TRANK1: variants seen among roughly 807,000 people sequenced by gnomAD.
TRANK1 encodes tetratricopeptide repeat and ankyrin repeat containing 1.
TRANK1 carries 198 observed loss-of-function variants against 266.0 expected under a neutral mutation model. The ratio of observed to expected loss-of-function variants is 0.74; its 90% confidence interval spans 0.66 to 0.84. The LOEUF (loss-of-function observed/expected upper bound fraction) is 0.84. Among genes scored for constraint, TRANK1 ranks in the 40% least tolerant of loss-of-function variants. The probability of loss-of-function intolerance (pLI) is 0.00; values close to 1 mark genes in which losing one functional copy is unlikely to be tolerated. For missense variants in TRANK1, 3,326 were observed against 3,634.6 expected (o/e 0.92, Z 2.18); for synonymous variants, 1,396 against 1,384.1 (o/e 1.01, Z -0.19).
At chr3:36,906,195 T>C (rs1159235940) in intron 2 of TRANK1, among the ~76,000 whole-genome samples, 1 of 152,188 alleles carries the variant, frequency 6.6e-6, no homozygotes, top group Non-Finnish European at 1.5e-5. Context: ...AGACACAAGC[T>C]AATTACACTC....
chr3:36,883,885 A>G (rs2079566115), intron 8 of TRANK1, among the ~76,000 whole-genome samples: 1 of 152,224 alleles, frequency 6.6e-6, no homozygotes. Context: ...ATTACTAACA[A>G]AACCATGGTA....
rs374449164 is a variant in TRANK1, at chr3:36,841,341, C to T, written c.5280+1281G>A. Among the ~76,000 whole-genome samples, 4 of 152,348 alleles carry T rather than the reference C, an allele frequency of 2.6e-5. No individual in the cohort carries two copies. In the East Asian group the frequency reaches 5.8e-4, roughly 22 times the overall value. ...GAGGTGTAGAAAGAAAGATGGTGAT[C>T]TTTCCAAAACCCAGATCCAGTTGTT... On this transcript the variant is annotated intron_variant, in intron 18 of 23. Coordinates refer to ENST00000645898, the MANE Select transcript of TRANK1 (RefSeq NM_001329998.2).
At position 36,831,173 on chromosome 3, in the gene TRANK1, C is replaced by T. The variant is rs375259984; in HGVS notation, c.8410G>A (p.Glu2804Lys). 3.1e-6 allele frequency: 5 copies of T among 1,613,862 alleles called. No homozygotes were observed. The highest frequency in any genetic ancestry group is 2.7e-5 in the African/African-American group (2 of 74,894). The change falls in exon 22 of 24, where the codon GAG becomes AAG. Residue 2804 changes from glutamate (E) to lysine (K), a missense_variant. Transcript: ENST00000645898. The surrounding 1 kb of genome is among the most constrained non-coding windows in gnomAD (Gnocchi z 5.0). ...TCCTGACACTCCTCCCTTTCCAGCT[C>T]AGCCCTGGAAAGGACTGCCACCTCG... ...ASEVAVLSRAELEREECQERN... is the reference protein window; with the variant it reads ...ASEVAVLSRAKLEREECQERN...
chr3:36,852,187 T>C lies in TRANK1; in HGVS notation c.4708A>G (p.Asn1570Asp), dbSNP rs1415120435. 5.0e-6 allele frequency: 8 copies of C among 1,605,790 alleles called. No homozygotes were observed. Among genetic ancestry groups the C allele is most frequent in the Non-Finnish European group, 5.9e-6 (7 of 1,178,088 alleles). Residue 1570 changes from asparagine to aspartate, a missense_variant, in exon 14 of 24, where the codon AAT (asparagine) becomes GAT (aspartate). Asn to Asp is a conservative substitution (Grantham distance 23). Coordinates refer to ENST00000645898, the MANE Select transcript of TRANK1 (RefSeq NM_001329998.2). ...TCAATGGGCTGAGTTTTCCTTTTAT[T>C]CCCTCGTAGCAAAATTGCCAAGTCG... is the stretch of plus-strand genomic sequence containing the variant. ...VSDLAILLRG[N>D]KRKTQPIEFG...
chr3:36,850,192 G>A (rs180724893), intron 15 of TRANK1: 80 of 985,366 alleles, frequency 8.1e-5, no homozygotes, highest in Non-Finnish European at 9.3e-5. Flanking sequence ...AACCATGACC[G>A]ATGGATGTAT....
chr3:36,854,805 C>CA (rs975035696), intron 13 of TRANK1, among the ~76,000 whole-genome samples: 2 of 151,362 alleles, frequency 1.3e-5, no homozygotes, highest in African/African-American at 4.9e-5. Context: ...AAACCTGCTT[C>CA]AAGGATTAAT....
intron 13 of TRANK1, among the ~76,000 whole-genome samples, chr3:36,852,887 C>T (rs923423354): frequency 2.0e-5 from 3 of 151,666 alleles, no homozygotes. Flanking sequence ...CCCATTGGTG[C>T]TTACAGAACC....
intron 20 of TRANK1, 102 bp downstream of exon 20, chr3:36,838,270 A>T (rs1046841015): frequency 1.9e-5 from 28 of 1,510,058 alleles, no homozygotes; most frequent in Non-Finnish European, 1.1e-5. Context: ...TCCTTGGAAG[A>T]CTGCAGCCTC....
In TRANK1 at chr3:36,857,294, C is replaced by G; in HGVS notation, c.2428G>C (p.Gly810Arg). Residue 810 changes from glycine (G) to arginine (R), a missense_variant, in exon 13 of 24, where the codon GGC becomes CGC. Gly to Arg is a moderately radical substitution (Grantham distance 125). Coordinates refer to ENST00000645898, the MANE Select transcript of TRANK1 (RefSeq NM_001329998.2). The surrounding 1 kb of genome is among the most constrained non-coding windows in gnomAD (Gnocchi z 4.3). ...LVPDDNRGKE[G>R]NDDQDDWSTQ... ...CTCCAGTCATCCTGATCATCATTGC[C>G]CTCCTTCCCCCTGTTATCATCAGGC... The G allele has an allele frequency of 6.2e-7, 1 of 1,609,364 alleles. No homozygotes were observed. The highest frequency in any genetic ancestry group is 8.5e-7 in the Non-Finnish European group (1 of 1,177,662).
At chr3:36,927,435 C>A (rs910528044) in intron 1 of TRANK1, among the ~76,000 whole-genome samples, 1 of 152,196 alleles carries the variant, frequency 6.6e-6, no homozygotes, top group African/African-American at 2.4e-5. Flanking sequence ...AAATAACTTA[C>A]AATCTTCCTT....
chr3:36,945,133 C>G, upstream of TRANK1: 1 of 346,252 alleles, frequency 2.9e-6, no homozygotes, highest in Non-Finnish European at 5.2e-6. Flanking sequence ...TTTGTCATCG[C>G]GTTCAAAAGG....
chr3:36,925,462 G>C (rs2080274723), intron 1 of TRANK1, among the ~76,000 whole-genome samples: 1 of 151,940 alleles, frequency 6.6e-6, no homozygotes, highest in Non-Finnish European at 1.5e-5. Context: ...GATCCAACTA[G>C]AATGTAAACA....
At chr3:36,833,965 A>G in intron 21 of TRANK1, 46 bp from the exon 22 acceptor site, 1 of 1,530,218 alleles carries the variant, frequency 6.5e-7, no homozygotes, top group South Asian at 1.3e-5. Flanking sequence ...TCACCCAATC[A>G]ATAGAAAATT....
chr3:36,912,274 C>A (rs1424583184), intron 1 of TRANK1, among the ~76,000 whole-genome samples: 1 of 152,092 alleles, frequency 6.6e-6, no homozygotes, highest in Admixed American at 6.6e-5. Context: ...GGTTAAGCCA[C>A]TTACCACTTG....
chr3:36,841,419 G>A (rs569115581), intron 18 of TRANK1, among the ~76,000 whole-genome samples: 1 of 152,276 alleles, frequency 6.6e-6, no homozygotes, highest in East Asian at 1.9e-4. Flanking sequence ...CAGGTGCCTG[G>A]GGTAGAGAAA....
chr3:36,913,237 A>C (rs981649355), intron 1 of TRANK1, among the ~76,000 whole-genome samples: 4 of 152,062 alleles, frequency 2.6e-5, no homozygotes, highest in Non-Finnish European at 5.9e-5. Flanking sequence ...ATTTAGTAGA[A>C]ATAGGGTTTC....
Position 36,858,908 on chromosome 3 carries a change from G to C in TRANK1, c.1496-14C>G. On this transcript the variant is annotated splice_polypyrimidine_tract_variant and intron_variant, in intron 11 of 23. Coordinates refer to ENST00000645898, the MANE Select transcript of TRANK1 (RefSeq NM_001329998.2). ...CATCAGGCAAGGCTGGGAGAGGAGAGAAGGGAAGCGCAATGTGAGCAGGCA... is the reference window on the plus strand; with the variant it reads ...CATCAGGCAAGGCTGGGAGAGGAGACAAGGGAAGCGCAATGTGAGCAGGCA... 2 of 1,527,546 alleles carry C rather than the reference G, an allele frequency of 1.3e-6. No homozygotes were observed. Among genetic ancestry groups the C allele is most frequent in the Non-Finnish European group, 1.8e-6 (2 of 1,142,300 alleles). 94.6% of individuals were successfully genotyped at this position (1,527,546 alleles called of 1,614,324 possible). A position where few individuals can be genotyped will look rare whatever the true frequency, so the allele number is the denominator to read the frequency against.
At chr3:36,913,109 T>C (rs2080075901) in intron 1 of TRANK1, among the ~76,000 whole-genome samples, 1 of 151,786 alleles carries the variant, frequency 6.6e-6, no homozygotes, top group Non-Finnish European at 1.5e-5. Context: ...TGGCGCAATC[T>C]TGGCTCACTG....
intron 1 of TRANK1, among the ~76,000 whole-genome samples, chr3:36,940,900 G>A (rs561422678): frequency 1.3e-5 from 2 of 152,266 alleles, no homozygotes; most frequent in East Asian, 3.9e-4. Flanking sequence ...GATTATAGAT[G>A]GCCTTAGTAC....
Sources: gnomAD v4.1 joint callset for allele counts (sites outside exome capture counted in the v4.1 genomes callset) on GRCh38, gnomAD v4.1.1 for gene constraint, Gnocchi (gnomAD v3.1) non-coding constraint, MANE v1.5 for transcripts, NCBI Gene and HGNC (gene_info 2026-07-23, HGNC 2026-07-21) for gene names.